The following CADM2 variants were observed in gnomAD, a reference collection of about 807,000 sequenced individuals.
CADM2 encodes the protein immunoglobulin superfamily member 4D.
Under a neutral mutation model 49.8 loss-of-function variants are expected in CADM2, and 12 were observed. The observed-to-expected ratio is 0.24, with a 90% CI of 0.15 to 0.39. CADM2 has a LOEUF of 0.39. CADM2 is among the 10% of genes least tolerant of loss of function. The probability of loss-of-function intolerance (pLI) is 1.00; values close to 1 mark genes in which losing one functional copy is unlikely to be tolerated. For missense variants in CADM2, 378 were observed against 492.3 expected, an observed-to-expected ratio of 0.77 and a Z score of 2.20; for synonymous variants, 214 against 175.4, an observed-to-expected ratio of 1.22 and a Z score of -1.74.
intron 1 of CADM2, among the ~76,000 whole-genome samples, chr3:85,620,482 C>T (rs1383591622): frequency 4.0e-5 from 6 of 151,870 alleles, no homozygotes; most frequent in African/African-American, 1.2e-4. Flanking sequence ...AAGCAACCTC[C>T]ATAATTTCCA....
chr3:85,685,404 C>T (rs549695351), intron 1 of CADM2, among the ~76,000 whole-genome samples: 48 of 152,096 alleles, frequency 3.2e-4, no homozygotes, highest in Non-Finnish European at 4.3e-4. Flanking sequence ...TGGATAAATA[C>T]AAACTAAAGA....
chr3:85,429,407 A>G (rs1208893212), intron 1 of CADM2, among the ~76,000 whole-genome samples: 2 of 152,144 alleles, frequency 1.3e-5, no homozygotes, highest in African/African-American at 4.8e-5. Context: ...CTGCCTCAAT[A>G]AAGTAATAAA....
intron 1 of CADM2, among the ~76,000 whole-genome samples, chr3:85,221,793 C>G (rs1177995275): frequency 6.6e-6 from 1 of 152,136 alleles, no homozygotes; most frequent in East Asian, 1.9e-4. Flanking sequence ...TTAAGTGACT[C>G]TGAGCAAGGC....
chr3:85,835,095 G>C (rs2074348621), intron 3 of CADM2, among the ~76,000 whole-genome samples: 1 of 151,528 alleles, frequency 6.6e-6, no homozygotes, highest in Non-Finnish European at 1.5e-5. Flanking sequence ...GTAACTTCTT[G>C]ATGGACATCC....
chr3:85,347,223 CAAAAAAAAAAA>C (rs11331703), intron 1 of CADM2, among the ~76,000 whole-genome samples: 2 of 46,138 alleles, frequency 4.3e-5, no homozygotes, highest in African/African-American at 1.0e-4. Flanking sequence ...CTCTGTCTCA[CAAAAAAAAAAA>C]AAAAAAAAAA....
intron 1 of CADM2, among the ~76,000 whole-genome samples, chr3:85,324,040 A>G (rs1249762130): frequency 1.3e-5 from 2 of 152,172 alleles, no homozygotes; most frequent in Non-Finnish European, 2.9e-5. Flanking sequence ...AATAGACAAT[A>G]TATCTGTATT....
At chr3:85,897,239 A>ATATTTTTT (rs1559728598) in intron 5 of CADM2, among the ~76,000 whole-genome samples, 1 of 82,240 alleles carries the variant, frequency 1.2e-5, no homozygotes, top group Non-Finnish European at 2.4e-5. Context: ...TTTAACCTAC[A>ATATTTTTT]TCTTTTTTTT....
chr3:85,719,642 T>G (rs1467370241), intron 1 of CADM2, among the ~76,000 whole-genome samples: 1 of 151,464 alleles, frequency 6.6e-6, no homozygotes, highest in Non-Finnish European at 1.5e-5. Flanking sequence ...TCACATTGAT[T>G]AGGCTGAAAA....
At chr3:85,320,736 A>T (rs1279558774) in intron 1 of CADM2, among the ~76,000 whole-genome samples, 1 of 152,158 alleles carries the variant, frequency 6.6e-6, no homozygotes, top group African/African-American at 2.4e-5. Flanking sequence ...TCTAGTGCTG[A>T]TAAAGCTTTT....
intron 1 of CADM2, among the ~76,000 whole-genome samples, chr3:85,377,812 GTTTTTTCCACAAAATACATC>G: frequency 6.6e-6 from 1 of 152,118 alleles, no homozygotes; most frequent in East Asian, 1.9e-4. Flanking sequence ...ACACTAGTCT[GTTTTTTCCACAAAATACATC>G]TTCCAAAATG....
intron 6 of CADM2, 92 bp downstream of exon 6, chr3:85,912,635 A>G: frequency 7.7e-7 from 1 of 1,303,278 alleles, no homozygotes; most frequent in East Asian, 2.4e-5. Context: ...AAGTTATAGC[A>G]AAGGTGCAGT....
intron 1 of CADM2, among the ~76,000 whole-genome samples, chr3:85,671,319 G>A (rs937050409): frequency 2.0e-5 from 3 of 152,106 alleles, no homozygotes; most frequent in African/African-American, 7.2e-5. Context: ...CTGGAATGGG[G>A]GTGGAGGAGA....
At chr3:85,482,352 A>G (rs2039247819) in intron 1 of CADM2, among the ~76,000 whole-genome samples, 2 of 151,810 alleles carry the variant, frequency 1.3e-5, no homozygotes, top group South Asian at 4.1e-4. Context: ...ATCTGAATAC[A>G]CTATAATAGT....
chr3:85,491,725 G>T (rs1179301580), intron 1 of CADM2, among the ~76,000 whole-genome samples: 1 of 152,032 alleles, frequency 6.6e-6, no homozygotes, highest in African/African-American at 2.4e-5. Context: ...GCAGAGGCGG[G>T]CAGATCACGA....
At chr3:85,668,598 TG>T (rs143867636) in intron 1 of CADM2, among the ~76,000 whole-genome samples, 270 of 152,124 alleles carry the variant, frequency 1.8e-3, no homozygotes, top group African/African-American at 6.0e-3. Context: ...GTTTTAAAAA[TG>T]GGAGTTTCCC....
At chr3:85,855,588 A>G (rs1204171512) in intron 3 of CADM2, among the ~76,000 whole-genome samples, 3 of 80,606 alleles carry the variant, frequency 3.7e-5, no homozygotes, top group Admixed American at 1.2e-4. Context: ...TAAAAAACAT[A>G]TATATATATA....
chr3:85,580,645 C>CT (rs2062768065), intron 1 of CADM2, among the ~76,000 whole-genome samples: 1 of 151,976 alleles, frequency 6.6e-6, no homozygotes, highest in African/African-American at 2.4e-5. Flanking sequence ...TTTTTTCTAT[C>CT]TTTCCTGGTA....
chr3:85,997,686 T>C (rs941984811), intron 8 of CADM2, among the ~76,000 whole-genome samples: 4 of 152,186 alleles, frequency 2.6e-5, no homozygotes, highest in Non-Finnish European at 5.9e-5. Flanking sequence ...GAAAAGATGA[T>C]GTTTTCACGT....
chr3:85,176,907 T>C (rs1295837710), intron 1 of CADM2, among the ~76,000 whole-genome samples: 2 of 152,066 alleles, frequency 1.3e-5, no homozygotes, highest in Non-Finnish European at 2.9e-5. Context: ...TAAAAATAAG[T>C]GTGATAAATG....
Sources: gnomAD v4.1 joint callset for allele counts (sites outside exome capture counted in the v4.1 genomes callset) on GRCh38, gnomAD v4.1.1 for gene constraint, MANE v1.5 for transcripts, NCBI Gene and HGNC (gene_info 2026-07-23, HGNC 2026-07-21) for gene names.